Variants in LMX1A observed in about 807,000 individuals in gnomAD.
LMX1A encodes LIM homeobox transcription factor 1 alpha.
A neutral mutation model predicts 49.1 loss-of-function variants in LMX1A; 15 were observed. The ratio of observed to expected loss-of-function variants is 0.31; its 90% confidence interval spans 0.20 to 0.47. The LOEUF (loss-of-function observed/expected upper bound fraction) is 0.47. Among genes scored for constraint, LMX1A ranks in the 20% least tolerant of loss-of-function variants. LMX1A has a pLI of 1.00. For missense variants in LMX1A, 372 were observed against 475.8 expected (o/e 0.78, Z 2.03); for synonymous variants, 167 against 185.7 (o/e 0.90, Z 0.82).
chr1:165,271,369 T>C (rs1653788757), intron 3 of LMX1A, among the ~76,000 whole-genome samples: 2 of 152,198 alleles, frequency 1.3e-5, no homozygotes, highest in African/African-American at 4.8e-5. Context: ...GATGACATTA[T>C]TGAACTGCCA....
At chr1:165,354,382 G>T (rs537060127) in intron 2 of LMX1A, among the ~76,000 whole-genome samples, 1 of 152,284 alleles carries the variant, frequency 6.6e-6, no homozygotes, top group Non-Finnish European at 1.5e-5. Flanking sequence ...GGCGTCCTGG[G>T]CCACGTTGAG....
chr1:165,201,915 G>A lies in LMX1A; in HGVS notation c.*1965C>T, dbSNP rs1395142637. 2.6e-5 allele frequency: 4 copies of A among 152,384 alleles called. No individual in the cohort carries two copies. The highest frequency in any genetic ancestry group is 5.9e-5 in the Non-Finnish European group (4 of 68,032). The allele number at this position is 152,384 out of a possible 1,614,324, so 9.4% of individuals were successfully genotyped here. Reference sequence around the variant, plus strand: ...CATCTTGGTATGCCATTAAGGAGTGGAATAAGGATCTCTATTCATTTTCAC... The same window carrying A: ...CATCTTGGTATGCCATTAAGGAGTGAAATAAGGATCTCTATTCATTTTCAC... On this transcript the variant is annotated 3_prime_UTR_variant, in exon 9 of 9. Transcript: ENST00000342310.
In LMX1A at chr1:165,205,785, A is replaced by C. The variant is rs35433453; in HGVS notation, c.988+79T>G. 606 of 1,362,948 alleles carry C rather than the reference A, an allele frequency of 4.4e-4. 1 individual carries two copies. Among genetic ancestry groups the C allele is most frequent in the Non-Finnish European group, 5.5e-4 (535 of 976,810 alleles). The allele number at this position is 1,362,948 out of a possible 1,614,324, so 84.4% of individuals were successfully genotyped here. ...TTGGAACTTCGGTGAGCATCTGGGA[A>C]CTGCCTAGATGTGTTTAGGAGGGAA... is the stretch of plus-strand genomic sequence containing the variant. On this transcript the variant is annotated intron_variant, in intron 8 of 8. Transcript: ENST00000342310.
At chr1:165,248,109 G>C (rs1173628237) in intron 4 of LMX1A, among the ~76,000 whole-genome samples, 3 of 152,218 alleles carry the variant, frequency 2.0e-5, no homozygotes, top group Non-Finnish European at 4.4e-5. Flanking sequence ...ATCCCAGTAG[G>C]AGAAGTTAAG....
chr1:165,261,184 C>T (rs1653428297), intron 3 of LMX1A, among the ~76,000 whole-genome samples: 1 of 152,172 alleles, frequency 6.6e-6, no homozygotes, highest in South Asian at 2.1e-4. Context: ...TCGAGAACCC[C>T]ATAGAAGTTT....
chr1:165,256,288 CT>C (rs1285469798), intron 3 of LMX1A, among the ~76,000 whole-genome samples: 2 of 152,284 alleles, frequency 1.3e-5, no homozygotes, highest in East Asian at 1.9e-4. Flanking sequence ...CTCAAAAGTG[CT>C]GCCTTTTCCA....
chr1:165,291,496 A>G (rs1162440863), intron 3 of LMX1A, among the ~76,000 whole-genome samples: 1 of 152,188 alleles, frequency 6.6e-6, no homozygotes, highest in African/African-American at 2.4e-5. Context: ...AGGCAAATAA[A>G]CTGGAGCATG....
chr1:165,288,571 C>T (rs1177703439), intron 3 of LMX1A, among the ~76,000 whole-genome samples: 1 of 152,116 alleles, frequency 6.6e-6, no homozygotes, highest in Non-Finnish European at 1.5e-5. Flanking sequence ...GTTAAAGATT[C>T]CAATTCTGAT....
intron 3 of LMX1A, among the ~76,000 whole-genome samples, chr1:165,266,595 C>A: frequency 1.3e-5 from 1 of 79,184 alleles, no homozygotes; most frequent in Admixed American, 1.9e-4. Flanking sequence ...TTCTTTCTTT[C>A]TTTTTTTTTT....
At chr1:165,217,628 T>C (rs1651690733) in intron 4 of LMX1A, among the ~76,000 whole-genome samples, 1 of 152,244 alleles carries the variant, frequency 6.6e-6, no homozygotes, top group African/African-American at 2.4e-5. Context: ...CAGCTGGTCC[T>C]GCCTAACCTG....
intron 3 of LMX1A, among the ~76,000 whole-genome samples, chr1:165,290,937 G>A (rs575794876): frequency 6.6e-6 from 1 of 152,292 alleles, no homozygotes; most frequent in African/African-American, 2.4e-5. Context: ...AGTCTAGTGG[G>A]AATGAACTTT....
At chr1:165,206,271 G>A (rs957801764) in intron 7 of LMX1A, among the ~76,000 whole-genome samples, 2 of 152,114 alleles carry the variant, frequency 1.3e-5, no homozygotes, top group African/African-American at 4.8e-5. Flanking sequence ...AGGTTTTGAT[G>A]CTAGCCACAT....
chr1:165,345,563 AG>A (rs1656216920), intron 3 of LMX1A, among the ~76,000 whole-genome samples: 1 of 152,290 alleles, frequency 6.6e-6, no homozygotes, highest in East Asian at 1.9e-4. Flanking sequence ...GACATAATCC[AG>A]CATCTACTAA....
chr1:165,278,445 C>G (rs907664850), intron 3 of LMX1A, among the ~76,000 whole-genome samples: 2 of 152,148 alleles, frequency 1.3e-5, no homozygotes, highest in African/African-American at 4.8e-5. Context: ...TTTGGAGTAA[C>G]CTCTTTCTCA....
rs546863688 is a variant in LMX1A, at chr1:165,210,453, G to A, written c.747+246C>T. ...AAGACATTTATTCATACAGATGGCTGGCCAAAACCACAGTCATGGCTGCTA... is the reference window on the plus strand; with the variant it reads ...AAGACATTTATTCATACAGATGGCTAGCCAAAACCACAGTCATGGCTGCTA... On this transcript the variant is annotated intron_variant, in intron 6 of 8. Coordinates refer to ENST00000342310, the MANE Select transcript of LMX1A (RefSeq NM_177398.4). Among the ~76,000 whole-genome samples, 31 of 152,290 alleles carry A rather than the reference G, an allele frequency of 2.0e-4. 1 individual carries two copies. Among genetic ancestry groups the A allele is most frequent in the Middle Eastern group, 6.8e-3 (2 of 294 alleles).
At chr1:165,292,960 T>TA (rs1654519131) in intron 3 of LMX1A, among the ~76,000 whole-genome samples, 1 of 151,756 alleles carries the variant, frequency 6.6e-6, no homozygotes, top group Non-Finnish European at 1.5e-5. Flanking sequence ...CTACTAAAAA[T>TA]ACAAAAATTA....
intron 3 of LMX1A, among the ~76,000 whole-genome samples, chr1:165,303,080 A>G (rs1206713043): frequency 1.3e-5 from 2 of 152,244 alleles, no homozygotes; most frequent in Admixed American, 6.5e-5. Context: ...AGGATAGAGT[A>G]TAAATAATCA....
intron 3 of LMX1A, among the ~76,000 whole-genome samples, chr1:165,263,127 C>G (rs1281039732): frequency 6.6e-6 from 1 of 152,198 alleles, no homozygotes; most frequent in East Asian, 1.9e-4. Context: ...TTTATCTATG[C>G]TCGCTCCCCT....
At chr1:165,318,448 G>C (rs963886436) in intron 3 of LMX1A, among the ~76,000 whole-genome samples, 1 of 150,780 alleles carries the variant, frequency 6.6e-6, no homozygotes, top group African/African-American at 2.4e-5. Context: ...TTCAGGTTCA[G>C]AGCATTTGTT....
Sources: gnomAD v4.1 joint callset for allele counts (sites outside exome capture counted in the v4.1 genomes callset) on GRCh38, gnomAD v4.1.1 for gene constraint, MANE v1.5 for transcripts, NCBI Gene and HGNC (gene_info 2026-07-23, HGNC 2026-07-21) for gene names.